Variants in CUL9 observed in about 807,000 individuals in gnomAD.
CUL9 encodes the protein cullin-9.
A neutral mutation model predicts 272.6 loss-of-function variants in CUL9; 79 were observed. That is an observed-to-expected ratio of 0.29 (90% CI 0.24 to 0.35). The LOEUF is 0.35. Among genes scored for constraint, CUL9 ranks in the 10% least tolerant of loss-of-function variants. CUL9 has a pLI of 1.00. For missense variants in CUL9, 2,532 were observed against 3,255.6 expected, an observed-to-expected ratio of 0.78 and a Z score of 5.41; for synonymous variants, 1,186 against 1,286.5, an observed-to-expected ratio of 0.92 and a Z score of 1.67.
intron 8 of CUL9, among the ~76,000 whole-genome samples, chr6:43,190,453 A>G (rs894034408): frequency 2.6e-5 from 4 of 151,800 alleles, no homozygotes; most frequent in African/African-American, 9.7e-5. Context: ...TCTTAGCTCT[A>G]TTTTTTGGTT....
In CUL9 at chr6:43,203,736, A is replaced by T. The variant is rs112320245; in HGVS notation, c.4026-118A>T. On this transcript the variant is annotated intron_variant, in intron 19 of 40. Transcript: ENST00000252050. This position sits in a 1 kb window ranked among gnomAD's most constrained non-coding sequence, Gnocchi z 5.0. ...GAACGTAGGTGAGAAGTTTGTGTTA[A>T]TTGGGAAAAGTTGGGTCAGGGACCG... 3.5e-4 allele frequency: 527 copies of T among 1,515,478 alleles called. 2 individuals carry two copies. The African/African-American group carries it at 5.4e-3, about 15-fold the overall frequency. 93.9% of individuals were successfully genotyped at this position (1,515,478 alleles called of 1,614,324 possible).
At chr6:43,197,632 C>T (rs1228616767) in intron 11 of CUL9, among the ~76,000 whole-genome samples, 2 of 150,382 alleles carry the variant, frequency 1.3e-5, no homozygotes, top group African/African-American at 5.0e-5. Context: ...TACAGGTGCG[C>T]ACCACCACAC....
At chr6:43,191,299 GTTTTT>G (rs887459803) in intron 8 of CUL9, among the ~76,000 whole-genome samples, 1 of 111,276 alleles carries the variant, frequency 9.0e-6, no homozygotes, top group African/African-American at 4.5e-5. Context: ...TGTGCGTGTT[GTTTTT>G]TTTTTTGTTT....
chr6:43,204,317 C>G, intron 20 of CUL9, 43 bp from the exon 21 acceptor site: 2 of 1,603,778 alleles, frequency 1.2e-6, no homozygotes, highest in Non-Finnish European at 1.7e-6. Flanking sequence ...TGTCTGTTCT[C>G]CCATCTCCCA....
At chr6:43,205,969 C>T (rs1775014355) in intron 24 of CUL9, 38 bp from the exon 25 acceptor site, 4 of 1,593,548 alleles carry the variant, frequency 2.5e-6, no homozygotes, top group Non-Finnish European at 3.4e-6. Flanking sequence ...CACGCTGGCA[C>T]CCACACTGAG....
chr6:43,212,656 AT>A (rs768116414), intron 26 of CUL9: 263 of 145,740 alleles, frequency 1.8e-3, no homozygotes, highest in Non-Finnish European at 1.9e-3. Flanking sequence ...TTGCAGGTGG[AT>A]TTTTTTTTTT....
intron 24 of CUL9, among the ~76,000 whole-genome samples, chr6:43,205,712 C>T (rs1774989006): frequency 6.6e-6 from 1 of 151,798 alleles, no homozygotes; most frequent in Non-Finnish European, 1.5e-5. Flanking sequence ...ACCTGTAATC[C>T]CAGCTATTCG....
chr6:43,198,269 T>A (rs1194062126), intron 11 of CUL9: 2 of 984,952 alleles, frequency 2.0e-6, no homozygotes. Context: ...ATGTATCTTT[T>A]AGTCTGTGTA....
In CUL9 at chr6:43,204,993, C is replaced by T; in HGVS notation, c.4510C>T (p.Leu1504Phe). 6.2e-7 allele frequency: 1 copy of T among 1,613,420 alleles called. No individual in the cohort carries two copies. The highest frequency in any genetic ancestry group is 2.2e-5 in the East Asian group (1 of 44,864). ...APDFVPRYCK[L>F]YEHLQRAGSE... The stretch of plus-strand genomic sequence containing the variant: ...AGACTTTGTGCCTCGTTACTGTAAA[C>T]TCTATGAGCACTTGCAGAGAGCAGG... The change falls in exon 23 of 41, where the codon CTC becomes TTC. Residue 1504 changes from leucine (L) to phenylalanine (F), a missense_variant. Around this residue, in one of 3 missense-constraint regions of CUL9, gnomAD observed 2,218 missense variants for 2,788.6 expected, o/e 0.80. Coordinates refer to ENST00000252050, the MANE Select transcript of CUL9 (RefSeq NM_015089.4).
At position 43,200,628 on chromosome 6, in the gene CUL9, A is replaced by G. The variant is rs572622170; in HGVS notation, c.3476-35A>G. ...TTTCCTTTTTCCTCTCAACTAACCTAGCTGTGACTGCCACCCCTTCCCACT... is the reference window on the plus strand; with the variant it reads ...TTTCCTTTTTCCTCTCAACTAACCTGGCTGTGACTGCCACCCCTTCCCACT... On this transcript the variant is annotated intron_variant, in intron 15 of 40. Transcript: ENST00000252050. The surrounding 1 kb of genome is among the most constrained non-coding windows in gnomAD (Gnocchi z 4.0). 2 of 1,613,828 alleles carry G rather than the reference A, an allele frequency of 1.2e-6. No homozygotes were observed. The highest frequency in any genetic ancestry group is 4.5e-5 in the East Asian group (2 of 44,868).
Position 43,205,389 on chromosome 6 carries a change from C to A in CUL9, c.4759C>A (p.Leu1587Met). ...GGAACCCATTATGGTCCTTTCTGGT[C>A]TGGAACTGGCCACAACTTTTGAGCA... The part of the protein sequence containing the change: ...HLEPIMVLSG[L>M]ELATTFEHFY... Residue 1587 changes from leucine (L) to methionine (M), a missense_variant, in exon 24 of 41, where the codon CTG becomes ATG. By Grantham distance (15) the Leu-to-Met change is conservative. Transcript: ENST00000252050. 1.2e-6 allele frequency: 2 copies of A among 1,614,174 alleles called. No homozygotes were observed.
chr6:43,187,307 C>G lies in CUL9; in HGVS notation c.1449C>G (p.Pro483=). The change falls in exon 6 of 41, where the codon CCC becomes CCG. Residue 483 remains proline, a synonymous_variant. Coordinates refer to ENST00000252050, the MANE Select transcript of CUL9 (RefSeq NM_015089.4). ...TGTACCCTTTGCCGTACCTCCAGCC[C>G]GAACCTCAGAAGAATGAGAGAGTGG... is the stretch of plus-strand genomic sequence containing the variant. ...DGLYPLPYLQ[P]EPQKNERVGY... 3.1e-6 allele frequency: 5 copies of G among 1,614,042 alleles called. No homozygotes were observed. Among genetic ancestry groups the G allele is most frequent in the Non-Finnish European group, 4.2e-6 (5 of 1,179,990 alleles).
chr6:43,203,541 G>A lies in CUL9; in HGVS notation c.3974G>A (p.Trp1325Ter). ...TTCTACACAATTCGGGCACAAGCCTGGAGCCGGGACATAGCAGAGGACCAC... is the reference window on the plus strand; with the variant it reads ...TTCTACACAATTCGGGCACAAGCCTAGAGCCGGGACATAGCAGAGGACCAC... ...CLFYTIRAQAWSRDIAEDHRR... is the reference protein window; with the variant it reads ...CLFYTIRAQA The change falls in exon 19 of 41, where the codon TGG (tryptophan) becomes TAG (stop). Residue 1325 changes from tryptophan (W) to a stop codon, truncating the protein, a stop_gained. Coordinates refer to ENST00000252050, the MANE Select transcript of CUL9 (RefSeq NM_015089.4). LOFTEE classifies it high-confidence loss of function. This position sits in a 1 kb window ranked among gnomAD's most constrained non-coding sequence, Gnocchi z 5.0. The A allele has an allele frequency of 6.2e-7, 1 of 1,614,078 alleles. No homozygotes were observed. The highest frequency in any genetic ancestry group is 1.1e-5 in the South Asian group (1 of 91,080).
chr6:43,193,330 C>A, intron 9 of CUL9, 122 bp downstream of exon 9: 2 of 847,808 alleles, frequency 2.4e-6, no homozygotes, highest in Non-Finnish European at 1.9e-6. Context: ...TGGAAAGATG[C>A]AGATGGTTTT....
rs1212596268 is a variant in CUL9 at position 43,206,024 on chromosome 6, G to A, written c.4811G>A (p.Arg1604His). The A allele has an allele frequency of 1.9e-6, 3 of 1,613,762 alleles. No homozygotes were observed. The highest frequency in any genetic ancestry group is 1.1e-5 in the South Asian group (1 of 91,072). The change falls in exon 25 of 41, where the codon CGT (arginine) becomes CAT (histidine). Residue 1604 changes from arginine (R) to histidine (H), a missense_variant. Transcript: ENST00000252050. The surrounding 1 kb of genome is among the most constrained non-coding windows in gnomAD (Gnocchi z 4.8). ...EHFYQHYMAD[R>H]LLSFGSSWLE... ...TGCTGCAGGCATTATATGGCGGACC[G>A]TCTCCTGAGCTTTGGTTCGAGCTGG...
At position 43,184,716 on chromosome 6, in the gene CUL9, C is replaced by T. The variant is rs866714007; in HGVS notation, c.406C>T (p.Pro136Ser). 3 of 1,614,128 alleles carry T rather than the reference C, an allele frequency of 1.9e-6. No individual in the cohort carries two copies. The highest frequency in any genetic ancestry group is 1.3e-5 in the African/African-American group (1 of 75,060). The change falls in exon 2 of 41, where the codon CCA (proline) becomes TCA (serine). Residue 136 changes from proline (P) to serine (S), a missense_variant. Around this residue, in one of 3 missense-constraint regions of CUL9, gnomAD observed 2,218 missense variants for 2,788.6 expected, o/e 0.80. Coordinates refer to ENST00000252050, the MANE Select transcript of CUL9 (RefSeq NM_015089.4). This position sits in a 1 kb window ranked among gnomAD's most constrained non-coding sequence, Gnocchi z 4.8. ...CAGGCAGCTGGCAGAAAGTGGGACCCCAAGCCTCACGGCCGCTGTGCTTCA... is the reference window on the plus strand; with the variant it reads ...CAGGCAGCTGGCAGAAAGTGGGACCTCAAGCCTCACGGCCGCTGTGCTTCA... ...AARQLAESGTPSLTAAVLHTI... is the reference protein window; with the variant it reads ...AARQLAESGTSSLTAAVLHTI...
In CUL9 at chr6:43,220,083, G is replaced by A. The variant is rs1776227739; in HGVS notation, c.6283-376G>A. On this transcript the variant is annotated intron_variant, in intron 31 of 40. Coordinates refer to ENST00000252050, the MANE Select transcript of CUL9 (RefSeq NM_015089.4). The surrounding 1 kb of genome is among the most constrained non-coding windows in gnomAD (Gnocchi z 4.9). The stretch of plus-strand genomic sequence containing the variant: ...AGGAGAGACCAGAGCTGTGTTGTCA[G>A]CCACCCAGGCAACCCATTTCCCAGG... 6.6e-6 allele frequency among the ~76,000 whole-genome samples: 1 copy of A among 152,186 alleles called. No homozygotes were observed. The highest frequency in any genetic ancestry group is 1.5e-5 in the Non-Finnish European group (1 of 68,028).
Position 43,184,612 on chromosome 6 carries a change from C to T in CUL9, c.302C>T (p.Pro101Leu). ...HEPAGVSGSF[P>L]RDPGGLDEVA... is the part of the protein sequence containing the mutation. ...CCAGCTGGGGTTTCAGGAAGCTTTC[C>T]TCGAGATCCAGGAGGCCTGGATGAA... Residue 101 changes from proline (P) to leucine (L), a missense_variant, in exon 2 of 41, where the codon CCT (proline) becomes CTT (leucine). Coordinates refer to ENST00000252050, the MANE Select transcript of CUL9 (RefSeq NM_015089.4). The surrounding 1 kb of genome is among the most constrained non-coding windows in gnomAD (Gnocchi z 4.8). 6.2e-7 allele frequency: 1 copy of T among 1,612,470 alleles called. No individual in the cohort carries two copies. The highest frequency in any genetic ancestry group is 8.5e-7 in the Non-Finnish European group (1 of 1,178,666).
At chr6:43,198,095 G>T (rs1467217849) in intron 11 of CUL9, 1 of 170,820 alleles carries the variant, frequency 5.9e-6, no homozygotes, top group African/African-American at 2.4e-5. Context: ...ACAAAAATTA[G>T]CCGGGCACGG....
Sources: gnomAD v4.1 joint callset for allele counts (sites outside exome capture counted in the v4.1 genomes callset) on GRCh38, gnomAD v4.1.1 for gene constraint, gnomAD v4.1.1 regional missense constraint, Gnocchi (gnomAD v3.1) non-coding constraint, MANE v1.5 for transcripts, NCBI Gene and HGNC (gene_info 2026-07-23, HGNC 2026-07-21) for gene names.